Variants in CTNNA2 observed in about 807,000 individuals in gnomAD.
CTNNA2 encodes the protein catenin alpha-2.
A neutral mutation model predicts 101.0 loss-of-function variants in CTNNA2; 42 were observed. The ratio of observed to expected loss-of-function variants is 0.42; its 90% CI spans 0.32 to 0.54. The LOEUF (loss-of-function observed/expected upper bound fraction) is 0.54, where lower values mean the gene tolerates loss of function less well. CTNNA2 is among the 20% of genes least tolerant of loss of function. CTNNA2 has a pLI of 0.14. For missense variants in CTNNA2, 871 were observed against 1,223.1 expected (o/e 0.71, Z 4.29); for synonymous variants, 450 against 456.4 (o/e 0.99, Z 0.18).
intron 3 of CTNNA2, among the ~76,000 whole-genome samples, chr2:79,328,501 T>C (rs556170551): frequency 6.4e-4 from 98 of 152,284 alleles, no homozygotes; most frequent in African/African-American, 2.2e-3. Flanking sequence ...ATTTATAAGA[T>C]GAGTATTCAC....
chr2:80,358,277 G>A (rs928820032), intron 7 of CTNNA2, among the ~76,000 whole-genome samples: 12 of 150,140 alleles, frequency 8.0e-5, no homozygotes, highest in African/African-American at 2.9e-4. Context: ...TGTCTGGCAT[G>A]TAATAGATAT....
At chr2:79,776,300 T>A (rs1287766097) in intron 3 of CTNNA2, among the ~76,000 whole-genome samples, 2 of 152,198 alleles carry the variant, frequency 1.3e-5, no homozygotes, top group Non-Finnish European at 2.9e-5. Context: ...ACAGGATACA[T>A]AATTAGAAAG....
At chr2:79,335,269 T>C (rs116839078) in intron 3 of CTNNA2, among the ~76,000 whole-genome samples, 149 of 152,150 alleles carry the variant, frequency 9.8e-4, no homozygotes, top group African/African-American at 3.5e-3. Flanking sequence ...AGTTCATGAA[T>C]ATAATTAGCA....
At chr2:79,798,560 CTTTTT>C (rs34542700) in intron 3 of CTNNA2, among the ~76,000 whole-genome samples, 6 of 123,794 alleles carry the variant, frequency 4.8e-5, no homozygotes, top group South Asian at 2.6e-4. Context: ...TATAATAAGA[CTTTTT>C]TTTTTTTTTT....
At chr2:80,170,023 A>G (rs1385812862) in intron 7 of CTNNA2, among the ~76,000 whole-genome samples, 1 of 152,246 alleles carries the variant, frequency 6.6e-6, no homozygotes, top group Non-Finnish European at 1.5e-5. Context: ...TAGAGGTAGC[A>G]AGAACTCAGT....
rs78423182 is a variant in CTNNA2 at position 79,736,176 on chromosome 2, T to C, written c.103-8211T>C. 4.5e-3 allele frequency among the ~76,000 whole-genome samples: 683 copies of C among 152,316 alleles called. 5 individuals are homozygous for C. The highest frequency in any genetic ancestry group is 0.016 in the African/African-American group (654 of 41,578). Reference sequence around the variant, plus strand: ...ATTTGTATAACTTTGTTGGTCTGCCTTTCTCTCTGATGTGTACAACATACA... The same window carrying C: ...ATTTGTATAACTTTGTTGGTCTGCCCTTCTCTCTGATGTGTACAACATACA... On this transcript the variant is annotated intron_variant, in intron 2 of 18. Coordinates refer to ENST00000402739, the MANE Select transcript of CTNNA2 (RefSeq NM_001282597.3).
chr2:79,829,404 CACACACACACAGACACAA>C (rs1449155003), intron 3 of CTNNA2, among the ~76,000 whole-genome samples: 25 of 135,948 alleles, frequency 1.8e-4, no homozygotes, highest in African/African-American at 6.4e-4. Flanking sequence ...CACACACACA[CACACACACACAGACACAA>C]AGCCGGGCGA....
chr2:79,995,013 A>G (rs894906613), intron 7 of CTNNA2, among the ~76,000 whole-genome samples: 3 of 152,162 alleles, frequency 2.0e-5, no homozygotes, highest in Admixed American at 6.6e-5. Context: ...AGTAGTATCC[A>G]TTGGGCACCA....
At chr2:80,248,476 G>T (rs1433954229) in intron 7 of CTNNA2, among the ~76,000 whole-genome samples, 1 of 152,122 alleles carries the variant, frequency 6.6e-6, no homozygotes, top group Non-Finnish European at 1.5e-5. Flanking sequence ...GGTTTGCAGG[G>T]TCTTCTTTTA....
intron 1 of CTNNA2, among the ~76,000 whole-genome samples, chr2:79,522,175 C>T (rs1449676958): frequency 6.6e-6 from 1 of 152,224 alleles, no homozygotes; most frequent in African/African-American, 2.4e-5. Flanking sequence ...GCCGCACCTT[C>T]CATTTTTCTA....
intron 9 of CTNNA2, among the ~76,000 whole-genome samples, chr2:80,437,141 C>T (rs981963482): frequency 1.3e-5 from 2 of 152,262 alleles, no homozygotes; most frequent in Non-Finnish European, 2.9e-5. Context: ...ATCTGCTGGT[C>T]CCTTGATCTT....
chr2:79,421,311 G>C (rs1558663090), intron 4 of CTNNA2, among the ~76,000 whole-genome samples: 1 of 152,164 alleles, frequency 6.6e-6, no homozygotes, highest in Non-Finnish European at 1.5e-5. Context: ...ATGTGAAATG[G>C]TAGCAACTTT....
intron 7 of CTNNA2, among the ~76,000 whole-genome samples, chr2:80,345,792 T>A (rs1302609655): frequency 6.6e-6 from 1 of 152,214 alleles, no homozygotes; most frequent in East Asian, 1.9e-4. Flanking sequence ...TAATTTGTAC[T>A]AAAATTCTAA....
At chr2:80,375,602 T>C (rs1382248772) in intron 7 of CTNNA2, among the ~76,000 whole-genome samples, 1 of 141,822 alleles carries the variant, frequency 7.1e-6, no homozygotes, top group Admixed American at 7.1e-5. Context: ...TCTCACTCTG[T>C]TGCCCAGGCT....
intron 3 of CTNNA2, among the ~76,000 whole-genome samples, chr2:79,362,007 T>G (rs191058208): frequency 1.0e-3 from 158 of 152,256 alleles, no homozygotes; most frequent in Non-Finnish European, 1.9e-3. Flanking sequence ...TTCAGTCCAA[T>G]CAAATTGACA....
At chr2:80,525,199 GTTTTT>G (rs111435845) in intron 9 of CTNNA2, among the ~76,000 whole-genome samples, 1 of 145,072 alleles carries the variant, frequency 6.9e-6, no homozygotes, top group Non-Finnish European at 1.5e-5. Context: ...CACAGCTAGA[GTTTTT>G]TTTTTTTAAT....
At chr2:79,730,722 A>T (rs767880782) in intron 2 of CTNNA2, among the ~76,000 whole-genome samples, 257 of 152,136 alleles carry the variant, frequency 1.7e-3, no homozygotes, top group Non-Finnish European at 2.8e-3. Context: ...AAGTATTTTT[A>T]AAAATATGTG....
intron 2 of CTNNA2, among the ~76,000 whole-genome samples, chr2:79,741,627 A>G (rs775913546): frequency 6.6e-6 from 1 of 152,148 alleles, no homozygotes; most frequent in South Asian, 2.1e-4. Context: ...CTGATTGTGA[A>G]TGGCATATTT....
chr2:80,133,116 A>T (rs1418344636), intron 7 of CTNNA2, among the ~76,000 whole-genome samples: 3 of 152,206 alleles, frequency 2.0e-5, no homozygotes, highest in African/African-American at 7.2e-5. Flanking sequence ...GGACACAGAC[A>T]TACAAGGAGG....
Sources: gnomAD v4.1 joint callset for allele counts (sites outside exome capture counted in the v4.1 genomes callset) on GRCh38, gnomAD v4.1.1 for gene constraint, MANE v1.5 for transcripts, NCBI Gene and HGNC (gene_info 2026-07-23, HGNC 2026-07-21) for gene names.